The following EYS variants were observed in gnomAD, a reference collection of about 807,000 sequenced individuals.
EYS encodes EGF-like photoreceptor maintenance factor, also known as protein eyes shut homolog.
In EYS, 250 loss-of-function variants were observed where a neutral mutation model predicts 282.1. The observed-to-expected ratio is 0.89, with a 90% CI of 0.80 to 0.98. The LOEUF is 0.98. Among genes scored for constraint, EYS ranks in the 50% least tolerant of loss-of-function variants. EYS has a pLI of 0.00. For synonymous variants in EYS, 1,355 were observed against 1,282.9 expected (o/e 1.06, Z -1.20); for missense variants, 4,016 against 3,709.0 (o/e 1.08, Z -2.15).
rs1774715876 is a variant in EYS at position 64,151,340 on chromosome 6, TA to T, written c.6425-69339del. 4.3e-5 allele frequency among the ~76,000 whole-genome samples: 5 copies of T among 115,150 alleles called. 1 individual carries two copies. The highest frequency in any genetic ancestry group is 2.3e-4 in the African/African-American group (5 of 21,332). The allele number at this position is 115,150 out of a possible 152,430, so 75.5% of individuals were successfully genotyped here. ...ATTTATATATATATATATATATATA[TA>T]TATATATATATATATATATATAATT... On this transcript the variant is annotated intron_variant, in intron 31 of 42. Coordinates refer to ENST00000503581, the MANE Select transcript of EYS (RefSeq NM_001142800.2).
At chr6:64,160,829 T>C (rs1775082843) in intron 31 of EYS, among the ~76,000 whole-genome samples, 1 of 152,176 alleles carries the variant, frequency 6.6e-6, no homozygotes, top group South Asian at 2.1e-4. Context: ...ATGCATCTTC[T>C]CTTGGGGTCC....
chr6:65,007,882 C>T (rs188988914), intron 13 of EYS, among the ~76,000 whole-genome samples: 83 of 152,294 alleles, frequency 5.4e-4, no homozygotes, highest in Non-Finnish European at 8.8e-4. Flanking sequence ...AGAGTTAGGG[C>T]AATCCTTTGA....
chr6:65,504,408 T>A (rs1332469285), intron 2 of EYS, among the ~76,000 whole-genome samples: 1 of 151,678 alleles, frequency 6.6e-6, no homozygotes, highest in Admixed American at 6.6e-5. Flanking sequence ...TGCTTTTATT[T>A]TCTAATTGTA....
intron 8 of EYS, among the ~76,000 whole-genome samples, chr6:65,375,419 T>C (rs1013136755): frequency 1.3e-5 from 2 of 152,074 alleles, no homozygotes; most frequent in East Asian, 1.9e-4. Flanking sequence ...GATAAATCCA[T>C]GGAGATGAGG....
At chr6:63,765,974 G>T (rs1164518692) in intron 40 of EYS, among the ~76,000 whole-genome samples, 1 of 150,344 alleles carries the variant, frequency 6.7e-6, no homozygotes, top group East Asian at 1.9e-4. Flanking sequence ...CACAAATGAG[G>T]AGGCACATTT....
chr6:64,441,317 A>T (rs1774937707), intron 26 of EYS, among the ~76,000 whole-genome samples: 1 of 152,218 alleles, frequency 6.6e-6, no homozygotes, highest in Non-Finnish European at 1.5e-5. Context: ...GAAAAATTAA[A>T]GTTGAGCAAA....
At chr6:64,239,744 A>T (rs1241782942) in intron 30 of EYS, among the ~76,000 whole-genome samples, 1 of 151,786 alleles carries the variant, frequency 6.6e-6, no homozygotes, top group Non-Finnish European at 1.5e-5. Context: ...GCTGTGCTGA[A>T]GCTCTTTAGT....
chr6:65,297,248 G>A (rs747360493), intron 11 of EYS, among the ~76,000 whole-genome samples: 5 of 151,664 alleles, frequency 3.3e-5, no homozygotes, highest in Non-Finnish European at 7.4e-5. Context: ...TCTTTACCAA[G>A]CATTCAAAGG....
In EYS at chr6:65,693,836, T is replaced by C. The variant is rs1025467072; in HGVS notation, c.-448+13299A>G. ...CATAAGACACTGAGGAAATGGTCAA[T>C]AGACAAATCTAAGCACCCATCTCAG... On this transcript the variant is annotated intron_variant, in intron 1 of 42. Coordinates refer to ENST00000503581, the MANE Select transcript of EYS (RefSeq NM_001142800.2). Among the ~76,000 whole-genome samples the C allele has an allele frequency of 2.0e-5, 3 of 149,970 alleles. 1 individual carries two copies. Among genetic ancestry groups the C allele is most frequent in the Non-Finnish European group, 4.4e-5 (3 of 67,646 alleles).
rs1766382781 is a variant in EYS, at chr6:64,590,844, A to C, written c.5023T>G (p.Ser1675Ala). ...AAATCAGAATTCATCAAGTCTGAAG[A>C]GATAGTTTGTGAAGGGACAATGGAT... ...CLSIVPSQTI[S>A]SDLMNSDLTS... Residue 1675 changes from serine to alanine, a missense_variant, in exon 26 of 43, where the codon TCT (serine) becomes GCT (alanine). Transcript: ENST00000503581. 1 of 1,550,648 alleles carries C rather than the reference A, an allele frequency of 6.4e-7. No homozygotes were observed. Among genetic ancestry groups the C allele is most frequent in the East Asian group, 2.4e-5 (1 of 40,882 alleles).
In EYS at chr6:65,495,505, A is replaced by G. The variant is rs2127272143; in HGVS notation, c.-95T>C. On this transcript the variant is annotated 5_prime_UTR_variant, in exon 4 of 43. Coordinates refer to ENST00000503581, the MANE Select transcript of EYS (RefSeq NM_001142800.2). ...AAATTTCCAAGTAAAGTTGTGGTTA[A>G]GGATTCCTGGGAATTGGAATTGACC... The G allele has an allele frequency of 1.5e-6, 2 of 1,375,360 alleles. No individual in the cohort carries two copies. Among genetic ancestry groups the G allele is most frequent in the Non-Finnish European group, 2.0e-6 (2 of 991,760 alleles). 85.2% of individuals were successfully genotyped at this position (1,375,360 alleles called of 1,614,324 possible).
intron 22 of EYS, among the ~76,000 whole-genome samples, chr6:64,692,999 T>TTTTTTTTTTG (rs1770444903): frequency 1.5e-5 from 1 of 66,092 alleles, no homozygotes; most frequent in Non-Finnish European, 3.6e-5. Context: ...TTTTTTTTTT[T>TTTTTTTTTTG]GGTTCCAGAG....
intron 12 of EYS, among the ~76,000 whole-genome samples, chr6:65,179,507 C>A (rs1425848471): frequency 3.3e-5 from 5 of 152,004 alleles, no homozygotes; most frequent in African/African-American, 1.2e-4. Flanking sequence ...AAGACTAAAC[C>A]AGGAAGAAGT....
chr6:64,741,943 A>G (rs573230184), intron 22 of EYS, among the ~76,000 whole-genome samples: 105 of 152,200 alleles, frequency 6.9e-4, no homozygotes, highest in African/African-American at 2.4e-3. Context: ...TACTATTTAC[A>G]CGTTCACTGG....
intron 22 of EYS, among the ~76,000 whole-genome samples, chr6:64,786,682 A>G (rs1774032090): frequency 6.6e-6 from 1 of 152,170 alleles, no homozygotes; most frequent in Non-Finnish European, 1.5e-5. Context: ...TACCTCTCAG[A>G]GCATCTGGTC....
chr6:64,476,041 T>C (rs776112483), intron 26 of EYS, among the ~76,000 whole-genome samples: 4 of 152,196 alleles, frequency 2.6e-5, no homozygotes, highest in Admixed American at 6.5e-5. Flanking sequence ...TCTTCCTCCC[T>C]TGGCCTCCCA....
chr6:64,204,166 A>T (rs950176136), intron 31 of EYS, among the ~76,000 whole-genome samples: 9 of 152,214 alleles, frequency 5.9e-5, no homozygotes, highest in African/African-American at 9.6e-5. Context: ...TCTTCTGGAA[A>T]CATATGTATT....
At chr6:65,395,429 T>G (rs1766244095) in intron 7 of EYS, among the ~76,000 whole-genome samples, 1 of 152,190 alleles carries the variant, frequency 6.6e-6, no homozygotes, top group African/African-American at 2.4e-5. Context: ...TTGTACAAAT[T>G]TAAAGTGTAA....
intron 22 of EYS, among the ~76,000 whole-genome samples, chr6:64,743,328 C>A (rs1226948939): frequency 6.6e-6 from 1 of 151,982 alleles, no homozygotes; most frequent in African/African-American, 2.4e-5. Flanking sequence ...GCACCAGGCC[C>A]AATCTAAAAT....
Sources: allele counts gnomAD v4.1 joint callset (sites outside exome capture counted in the v4.1 genomes callset), GRCh38; gene constraint gnomAD v4.1.1; transcripts MANE v1.5; gene names NCBI Gene and HGNC (gene_info 2026-07-23, HGNC 2026-07-21).